The following EXD3 variants were observed in gnomAD, a reference collection of about 807,000 sequenced individuals.
EXD3 encodes exonuclease mut-7 homolog.
Under a neutral mutation model 98.0 loss-of-function variants are expected in EXD3, and 92 were observed. The ratio of observed to expected loss-of-function variants is 0.94; its 90% CI spans 0.79 to 1.12. The LOEUF (loss-of-function observed/expected upper bound fraction) is 1.12. EXD3 is among the 50% of genes most tolerant of loss of function. EXD3 has a pLI of 0.00. For synonymous variants in EXD3, 569 were observed against 526.0 expected, an observed-to-expected ratio of 1.08 and a Z score of -1.12; for missense variants, 1,222 against 1,191.6, an observed-to-expected ratio of 1.03 and a Z score of -0.38.
chr9:137,410,701 C>T lies in EXD3; in HGVS notation c.-48+12413G>A, dbSNP rs73668295. ...ACCCACACGGGGCAGAACTGCACAA[C>T]GAGGAAGCCCCCCTGGGGGCGGCCT... On this transcript the variant is annotated intron_variant, in intron 1 of 21. Transcript: ENST00000340951. Among the ~76,000 whole-genome samples, 810 of 152,226 alleles carry T rather than the reference C, an allele frequency of 5.3e-3. 9 individuals are homozygous for T. Among genetic ancestry groups the T allele is most frequent in the Middle Eastern group, 0.024 (7 of 294 alleles).
intron 7 of EXD3, 60 bp from the exon 8 acceptor site, chr9:137,356,428 T>C (rs1834793731): frequency 8.7e-7 from 1 of 1,142,952 alleles, no homozygotes; most frequent in Non-Finnish European, 1.3e-6. Context: ...TTTTAAGATT[T>C]TCATTTTCAT....
In EXD3 at chr9:137,309,717, G is replaced by T. The variant is rs367598990; in HGVS notation, c.2185-17C>A. 1 of 1,545,286 alleles carries T rather than the reference G, an allele frequency of 6.5e-7. No individual in the cohort carries two copies. Among genetic ancestry groups the T allele is most frequent in the Non-Finnish European group, 8.8e-7 (1 of 1,142,798 alleles). ...GTTACAGGCCTGGGGGCCAGAGGGG[G>T]TGCTGAGGCCCAGGCGGGGCTTCTC... On this transcript the variant is annotated splice_polypyrimidine_tract_variant and intron_variant, in intron 19 of 21. Transcript: ENST00000340951.
chr9:137,361,427 T>C (rs1232102778), intron 7 of EXD3, among the ~76,000 whole-genome samples: 1 of 85,338 alleles, frequency 1.2e-5, no homozygotes, highest in African/African-American at 3.2e-5. Context: ...TTGACTATAG[T>C]TCTAAGAAGG....
Position 137,388,270 on chromosome 9 carries a change from G to T in EXD3, c.56-4893C>A, listed in dbSNP as rs768090006. Among the ~76,000 whole-genome samples the T allele has an allele frequency of 1.3e-5, 2 of 152,156 alleles. 1 individual carries two copies. The highest frequency in any genetic ancestry group is 2.9e-5 in the Non-Finnish European group (2 of 68,024). ...CAGGAACTCTGTGGGGTTGGCCTGA[G>T]GGTGTCCAGGCAGAGGCGGCCAGGA... On this transcript the variant is annotated intron_variant, in intron 2 of 21. Transcript: ENST00000340951.
intron 20 of EXD3, among the ~76,000 whole-genome samples, chr9:137,309,073 G>A (rs963101180): frequency 1.3e-5 from 2 of 152,184 alleles, no homozygotes; most frequent in Admixed American, 6.5e-5. Context: ...GGGGCCAGCA[G>A]TTCTAATGGC....
chr9:137,329,463 GA>G (rs199886608), intron 17 of EXD3, among the ~76,000 whole-genome samples: 1 of 5,736 alleles, frequency 1.7e-4, no homozygotes, highest in Non-Finnish European at 3.2e-4. Context: ...GGCTACACGG[GA>G]GCTACACGGG....
intron 1 of EXD3, among the ~76,000 whole-genome samples, chr9:137,406,179 G>A (rs1453171227): frequency 6.7e-6 from 1 of 148,562 alleles, no homozygotes; most frequent in Non-Finnish European, 1.5e-5. Flanking sequence ...TTGGGCCACT[G>A]CATTCTAGCC....
chr9:137,391,119 C>T (rs990841755), intron 2 of EXD3, among the ~76,000 whole-genome samples: 2 of 152,126 alleles, frequency 1.3e-5, no homozygotes, highest in South Asian at 2.1e-4. Flanking sequence ...GGGCCTCGGC[C>T]GCCGCCCTTC....
At chr9:137,382,055 G>A (rs1332916329) in intron 3 of EXD3, among the ~76,000 whole-genome samples, 29 of 139,572 alleles carry the variant, frequency 2.1e-4, no homozygotes, top group Admixed American at 1.8e-3. Flanking sequence ...AGGTGAGGGC[G>A]CGCGGAGGAG....
Position 137,407,825 on chromosome 9 carries a change from C to CGCGGGAGGCGGGAGGCGGGAG in EXD3, c.-47-12442_-47-12422dup, listed in dbSNP as rs143080547. On this transcript the variant is annotated intron_variant, in intron 1 of 21. Coordinates refer to ENST00000340951, the MANE Select transcript of EXD3 (RefSeq NM_017820.5). This position sits in a 1 kb window ranked among gnomAD's most constrained non-coding sequence, Gnocchi z 4.4. ...TGCGCCGGCTGGACCCAAGGACACACGCGGGAGGCGGGAGGCGGGAGGGGC... is the reference window on the plus strand; with the variant it reads ...TGCGCCGGCTGGACCCAAGGACACACGCGGGAGGCGGGAGGCGGGAGGCGGGAGGCGGGAGGCGGGAGGGGC... Among the ~76,000 whole-genome samples the CGCGGGAGGCGGGAGGCGGGAG allele has an allele frequency of 6.0e-5, 9 of 150,206 alleles. No homozygotes were observed. The highest frequency in any genetic ancestry group is 8.9e-5 in the Non-Finnish European group (6 of 67,366).
At chr9:137,364,312 A>G (rs1272628448) in intron 7 of EXD3, among the ~76,000 whole-genome samples, 1 of 152,110 alleles carries the variant, frequency 6.6e-6, no homozygotes, top group Non-Finnish European at 1.5e-5. Flanking sequence ...GCACAGAGCT[A>G]GGAAAAATTT....
chr9:137,352,488 T>G (rs1834357716), intron 11 of EXD3, 132 bp downstream of exon 11: 3 of 1,008,076 alleles, frequency 3.0e-6, no homozygotes, highest in Non-Finnish European at 4.2e-6. Flanking sequence ...TGTGTATAGC[T>G]GCGCTCTTTG....
chr9:137,355,148 C>T (rs981781469), intron 8 of EXD3, among the ~76,000 whole-genome samples: 4 of 152,192 alleles, frequency 2.6e-5, no homozygotes, highest in African/African-American at 9.6e-5. Flanking sequence ...CTGTGGGTCC[C>T]GTGACTGAAG....
chr9:137,378,652 C>T lies in EXD3; in HGVS notation c.120+4661G>A, dbSNP rs189974492. On this transcript the variant is annotated intron_variant, in intron 3 of 21. Transcript: ENST00000340951. ...GAAGAAACAGCATGTGGCCTGGCCA[C>T]GTATTACTCAGCCACGGAAAAGGAG... is the stretch of plus-strand genomic sequence containing the variant. 1.4e-4 allele frequency among the ~76,000 whole-genome samples: 21 copies of T among 152,348 alleles called. No homozygotes were observed. The East Asian group carries it at 3.5e-3, about 25-fold the overall frequency.
intron 17 of EXD3, among the ~76,000 whole-genome samples, chr9:137,337,881 G>A (rs1038381606): frequency 3.3e-5 from 5 of 151,622 alleles, no homozygotes; most frequent in South Asian, 4.2e-4. Flanking sequence ...TCCACCTCCC[G>A]GGTTCATGCC....
chr9:137,406,145 G>A (rs1457382538), intron 1 of EXD3, among the ~76,000 whole-genome samples: 1 of 151,698 alleles, frequency 6.6e-6, no homozygotes, highest in African/African-American at 2.4e-5. Context: ...GAGCCCAGGA[G>A]GTCAAGGCTG....
intron 1 of EXD3, among the ~76,000 whole-genome samples, chr9:137,421,021 G>A (rs1168003367): frequency 7.2e-5 from 11 of 152,122 alleles, no homozygotes; most frequent in Non-Finnish European, 4.4e-5. Flanking sequence ...TCGCTATGTT[G>A]CCCAGGTTGG....
In EXD3 at chr9:137,395,016, T is replaced by C. The variant is rs1484570873; in HGVS notation, c.55+287A>G. Reference sequence around the variant, plus strand: ...TGCGGCCAGCCCTGAGCAGCTGCACTGTCCCCGCCACCTCCCCCGGATCCT... The same window carrying C: ...TGCGGCCAGCCCTGAGCAGCTGCACCGTCCCCGCCACCTCCCCCGGATCCT... On this transcript the variant is annotated intron_variant, in intron 2 of 21. Coordinates refer to ENST00000340951, the MANE Select transcript of EXD3 (RefSeq NM_017820.5). The surrounding 1 kb of genome is among the most constrained non-coding windows in gnomAD (Gnocchi z 6.5). 6.6e-6 allele frequency among the ~76,000 whole-genome samples: 1 copy of C among 152,044 alleles called. No individual in the cohort carries two copies. Among genetic ancestry groups the C allele is most frequent in the African/African-American group, 2.4e-5 (1 of 41,416 alleles).
intron 17 of EXD3, 24 bp downstream of exon 17, chr9:137,348,047 C>T (rs1458152009): frequency 6.2e-7 from 1 of 1,603,582 alleles, no homozygotes; most frequent in East Asian, 2.2e-5. Context: ...TGGGAGGACC[C>T]CAAGACCCTC....
Sources: gnomAD v4.1 joint callset for allele counts (sites outside exome capture counted in the v4.1 genomes callset) on GRCh38, gnomAD v4.1.1 for gene constraint, Gnocchi (gnomAD v3.1) non-coding constraint, MANE v1.5 for transcripts, NCBI Gene and HGNC (gene_info 2026-07-23, HGNC 2026-07-21) for gene names.